FAM53A: variants seen among roughly 807,000 people sequenced by gnomAD.
FAM53A encodes family with sequence similarity 53 member A.
In FAM53A, 28 loss-of-function variants were observed where a neutral mutation model predicts 26.6. The ratio of observed to expected loss-of-function variants is 1.05; its 90% CI spans 0.78 to 1.45. FAM53A has a LOEUF of 1.45. Ranked by LOEUF, FAM53A falls within the 40% of genes most tolerant of loss-of-function variation. FAM53A has a pLI of 0.00. For missense variants in FAM53A, 650 were observed against 575.8 expected, an observed-to-expected ratio of 1.13 and a Z score of -1.32; for synonymous variants, 290 against 253.1, an observed-to-expected ratio of 1.15 and a Z score of -1.38.
At chr4:1,601,234 G>GGGGGAGATGGGATGGGGGAGGT in the FAM53A span, among the ~76,000 whole-genome samples, 25 of 119,904 alleles carry the variant, frequency 2.1e-4, 1 homozygote, top group Admixed American at 2.7e-4. Context: ...GCAACAGGTC[G>GGGGGAGATGGGATGGGGGAGGT]GACACCCACC....
chr4:1,617,095 C>CCACTGCACTCCAGCCATATACTG (rs1261258558), downstream of FAM53A, among the ~76,000 whole-genome samples: 1 of 66,418 alleles, frequency 1.5e-5, no homozygotes, highest in Non-Finnish European at 3.5e-5. Context: ...TGAGATAGCA[C>CCACTGCACTCCAGCCATATACTG]CACTGCACTC....
chr4:1,575,479 T>C, the FAM53A span, among the ~76,000 whole-genome samples: 1 of 151,914 alleles, frequency 6.6e-6, no homozygotes, highest in African/African-American at 2.4e-5. Context: ...AGAAAGGCAG[T>C]GACAGGCACA....
chr4:1,586,675 C>T, the FAM53A span, among the ~76,000 whole-genome samples: 5 of 149,190 alleles, frequency 3.4e-5, no homozygotes, highest in Non-Finnish European at 7.4e-5. Context: ...CCCAGCTACT[C>T]GGGAGGCTGA....
intron 4 of FAM53A, among the ~76,000 whole-genome samples, chr4:1,643,234 G>T (rs543517243): frequency 6.6e-6 from 1 of 152,062 alleles, no homozygotes; most frequent in Non-Finnish European, 1.5e-5. Flanking sequence ...TGGGAGGCCG[G>T]GGCGGGCGGA....
At chr4:1,597,822 G>A in the FAM53A span, among the ~76,000 whole-genome samples, 2 of 152,196 alleles carry the variant, frequency 1.3e-5, no homozygotes, top group Non-Finnish European at 2.9e-5. Context: ...ATGGTGAAAC[G>A]CCATCTCTAC....
the FAM53A span, among the ~76,000 whole-genome samples, chr4:1,612,208 G>A: frequency 1.1e-4 from 16 of 152,174 alleles, no homozygotes; most frequent in Non-Finnish European, 1.0e-4. Context: ...TAAATCAGCT[G>A]TATGTTTTAT....
At chr4:1,644,116 C>T in intron 4 of FAM53A, 2 of 1,496,218 alleles carry the variant, frequency 1.3e-6, no homozygotes, top group Non-Finnish European at 1.8e-6. Flanking sequence ...GCTGCCCACA[C>T]AGGATGGCCT....
At chr4:1,604,501 G>A in the FAM53A span, among the ~76,000 whole-genome samples, 8 of 152,010 alleles carry the variant, frequency 5.3e-5, no homozygotes, top group East Asian at 1.9e-4. Context: ...GCACATCCCC[G>A]AGAGACCCCA....
At chr4:1,598,753 C>T in the FAM53A span, among the ~76,000 whole-genome samples, 2 of 152,190 alleles carry the variant, frequency 1.3e-5, no homozygotes, top group African/African-American at 2.4e-5. Context: ...CTTCAATTTC[C>T]GAAGATTTTG....
At chr4:1,612,969 A>T (rs55851149), downstream of FAM53A, among the ~76,000 whole-genome samples, 32,608 of 152,182 alleles carry the variant, frequency 0.21, 4,082 homozygotes, top group Non-Finnish European at 0.28. Context: ...TCACTAACCC[A>T]GGCATGCACA....
In FAM53A at chr4:1,641,330, C is replaced by T. The variant is rs775759980; in HGVS notation, c.1160G>A (p.Arg387His). The T allele has an allele frequency of 2.9e-5, 47 of 1,611,762 alleles. No individual in the cohort carries two copies. Among genetic ancestry groups the T allele is most frequent in the Middle Eastern group, 1.6e-4 (1 of 6,068 alleles). Residue 387 changes from arginine (R) to histidine (H), a missense_variant, in exon 5 of 5, where the codon CGC becomes CAC. By Grantham distance (29) the Arg-to-His change is conservative. Coordinates refer to ENST00000308132, the MANE Select transcript of FAM53A (RefSeq NM_001174070.3). ...VGEEGVFPRARWELDLEQIEN... is the reference protein window; with the variant it reads ...VGEEGVFPRAHWELDLEQIEN... ...GATCTGCTCCAGGTCCAGCTCCCAG[C>T]GGGCCCGGGGGAAGACGCCCTCCTC...
rs1033982334 is a variant in FAM53A, at chr4:1,664,559, T to C, written c.75+4108A>G. On this transcript the variant is annotated intron_variant, in intron 2 of 4. Coordinates refer to ENST00000308132, the MANE Select transcript of FAM53A (RefSeq NM_001174070.3). ...TAAAATACTGACTTGTTTCCTTGAA[T>C]GTTAGAAGTAACTTGTGTTTAGATA... Among the ~76,000 whole-genome samples the C allele has an allele frequency of 2.6e-5, 4 of 152,234 alleles. No homozygotes were observed. The East Asian group carries it at 5.8e-4, about 22-fold the overall frequency.
In FAM53A at chr4:1,668,285, G is replaced by A. The variant is rs560837176; in HGVS notation, c.75+382C>T. ...CTCCCGAGCAGCTGGGACTACAGGC[G>A]CCTGCTACCGTGCCCGGCTAATTTT... On this transcript the variant is annotated intron_variant, in intron 2 of 4. Transcript: ENST00000308132. 4.1e-4 allele frequency among the ~76,000 whole-genome samples: 63 copies of A among 152,036 alleles called. No homozygotes were observed. In the East Asian group the frequency reaches 4.6e-3, roughly 11 times the overall value.
chr4:1,684,186 G>A (rs1432286024), intron 1 of FAM53A, 47 bp downstream of exon 1: 6 of 151,888 alleles, frequency 4.0e-5, no homozygotes, highest in African/African-American at 1.4e-4. Flanking sequence ...TGGGCAGCGT[G>A]GACAAGAGAG....
chr4:1,644,024 G>A (rs1327427521), intron 4 of FAM53A, among the ~76,000 whole-genome samples: 1 of 152,202 alleles, frequency 6.6e-6, no homozygotes, highest in Non-Finnish European at 1.5e-5. Context: ...GGTCTGCTGG[G>A]CCCCTGCTGG....
chr4:1,674,454 G>T (rs979259659), intron 1 of FAM53A, among the ~76,000 whole-genome samples: 1 of 152,174 alleles, frequency 6.6e-6, no homozygotes, highest in Non-Finnish European at 1.5e-5. Context: ...CAAATCACAA[G>T]GTCAGGAAAT....
chr4:1,602,564 G>A, the FAM53A span, among the ~76,000 whole-genome samples: 12 of 152,316 alleles, frequency 7.9e-5, no homozygotes, highest in East Asian at 3.9e-4. Context: ...GCTGCTGCCC[G>A]AAAATAAACA....
At chr4:1,672,576 G>A (rs1056456413) in intron 1 of FAM53A, among the ~76,000 whole-genome samples, 2 of 152,120 alleles carry the variant, frequency 1.3e-5, no homozygotes, top group African/African-American at 4.8e-5. Context: ...GACCCGCAGA[G>A]AACGTATGGC....
intron 1 of FAM53A, among the ~76,000 whole-genome samples, chr4:1,624,266 C>T (rs1016600370): frequency 2.0e-5 from 3 of 152,184 alleles, no homozygotes; most frequent in Non-Finnish European, 4.4e-5. Flanking sequence ...GCAGGGCCCA[C>T]GGCAGGCAGG....
Sources: allele counts gnomAD v4.1 joint callset (sites outside exome capture counted in the v4.1 genomes callset), GRCh38; gene constraint gnomAD v4.1.1; transcripts MANE v1.5; gene names NCBI Gene and HGNC (gene_info 2026-07-23, HGNC 2026-07-21).